The following NFATC2 variants were observed in gnomAD, a reference collection of about 807,000 sequenced individuals.
NFATC2 encodes the protein nuclear factor of activated T cells 2.
A neutral mutation model predicts 87.3 loss-of-function variants in NFATC2; 22 were observed. The observed-to-expected ratio is 0.25, with a 90% CI of 0.18 to 0.36. NFATC2 has a LOEUF of 0.36. Among genes scored for constraint, NFATC2 ranks in the 10% least tolerant of loss-of-function variants. The pLI, the probability that NFATC2 is intolerant of heterozygous loss-of-function variation, is 1.00. For synonymous variants in NFATC2, 565 were observed against 542.2 expected, an observed-to-expected ratio of 1.04 and a Z score of -0.58; for missense variants, 1,149 against 1,259.1, an observed-to-expected ratio of 0.91 and a Z score of 1.32.
chr20:51,416,593 A>G (rs981511006), intron 9 of NFATC2, among the ~76,000 whole-genome samples: 1 of 152,236 alleles, frequency 6.6e-6, no homozygotes, highest in Non-Finnish European at 1.5e-5. Context: ...TCCCAAGTGC[A>G]GAGATGAAGA....
chr20:51,502,391 T>C (rs959534865), intron 3 of NFATC2, among the ~76,000 whole-genome samples: 5 of 152,212 alleles, frequency 3.3e-5, no homozygotes, highest in African/African-American at 9.7e-5. Flanking sequence ...GGTAGCATGA[T>C]CACAGCTCAC....
chr20:51,558,486 G>T (rs552346234), intron 1 of NFATC2, among the ~76,000 whole-genome samples: 5 of 151,456 alleles, frequency 3.3e-5, no homozygotes, highest in African/African-American at 9.7e-5. Context: ...GGTTTTTTTG[G>T]GGGGGGGCGA....
At chr20:51,461,396 G>A (rs1159701005) in intron 5 of NFATC2, among the ~76,000 whole-genome samples, 3 of 152,224 alleles carry the variant, frequency 2.0e-5, no homozygotes, top group Non-Finnish European at 2.9e-5. Context: ...GCTCAGGCCT[G>A]CGGGTGAAGT....
At chr20:51,446,647 AC>A (rs1240817794) in intron 6 of NFATC2, among the ~76,000 whole-genome samples, 1 of 152,214 alleles carries the variant, frequency 6.6e-6, no homozygotes, top group Non-Finnish European at 1.5e-5. Context: ...GGATTCTTGG[AC>A]TTAAAAGCCT....
chr20:51,540,658 G>GTTTTTTTTTTT (rs397864888), intron 1 of NFATC2, among the ~76,000 whole-genome samples: 8 of 110,064 alleles, frequency 7.3e-5, no homozygotes, highest in East Asian at 3.5e-4. Flanking sequence ...TTTTTTTTTT[G>GTTTTTTTTTTT]TTTTTTTTTT....
At chr20:51,550,887 C>G (rs2076927359) in intron 1 of NFATC2, among the ~76,000 whole-genome samples, 1 of 152,150 alleles carries the variant, frequency 6.6e-6, no homozygotes, top group East Asian at 1.9e-4. Flanking sequence ...TAAAGAAAGC[C>G]TAAGTCAAAC....
At chr20:51,453,832 T>G (rs1986089038) in intron 6 of NFATC2, among the ~76,000 whole-genome samples, 1 of 152,234 alleles carries the variant, frequency 6.6e-6, no homozygotes, top group African/African-American at 2.4e-5. Context: ...TTTGTAGATT[T>G]CTGGAAGGTA....
chr20:51,510,660 C>T (rs2076258886), intron 3 of NFATC2, among the ~76,000 whole-genome samples: 1 of 152,178 alleles, frequency 6.6e-6, no homozygotes, highest in Non-Finnish European at 1.5e-5. Context: ...CTCACTCTGT[C>T]ACCCAGGCTG....
chr20:51,391,600 T>C (rs1169298612), intron 10 of NFATC2, 149 bp from the exon 11 acceptor site: 4 of 830,876 alleles, frequency 4.8e-6, no homozygotes, highest in Non-Finnish European at 7.6e-6. Context: ...TGGAGTGCAA[T>C]GGCATGATCA....
At chr20:51,429,519 T>C (rs891651187) in intron 9 of NFATC2, among the ~76,000 whole-genome samples, 1 of 152,204 alleles carries the variant, frequency 6.6e-6, no homozygotes, top group Non-Finnish European at 1.5e-5. Context: ...TTATGTTATT[T>C]CTGCCAAGTA....
At chr20:51,499,697 G>A (rs775944599) in intron 3 of NFATC2, among the ~76,000 whole-genome samples, 37 of 150,608 alleles carry the variant, frequency 2.5e-4, no homozygotes, top group Admixed American at 1.3e-3. Context: ...AGCCGAGATC[G>A]CACCACTGCA....
At chr20:51,527,482 T>C (rs1030949401) in intron 1 of NFATC2, among the ~76,000 whole-genome samples, 2 of 152,018 alleles carry the variant, frequency 1.3e-5, no homozygotes, top group Non-Finnish European at 2.9e-5. Flanking sequence ...TCCCTCGACC[T>C]CCAGTCTGCC....
At chr20:51,460,639 CTTTTT>C (rs11479407) in intron 5 of NFATC2, among the ~76,000 whole-genome samples, 1 of 145,746 alleles carries the variant, frequency 6.9e-6, no homozygotes, top group Non-Finnish European at 1.5e-5. Flanking sequence ...GTTTCTTCTT[CTTTTT>C]TTTTTTTTAA....
At chr20:51,419,205 A>C (rs1980515320) in intron 9 of NFATC2, among the ~76,000 whole-genome samples, 1 of 152,198 alleles carries the variant, frequency 6.6e-6, no homozygotes, top group African/African-American at 2.4e-5. Flanking sequence ...CATTATGATC[A>C]TATCTATCCT....
At chr20:51,485,770 T>C (rs1376401403) in intron 3 of NFATC2, among the ~76,000 whole-genome samples, 2 of 152,182 alleles carry the variant, frequency 1.3e-5, no homozygotes, top group Admixed American at 1.3e-4. Flanking sequence ...ACTAGGCTGT[T>C]GGCAGGAACA....
chr20:51,490,454 C>T (rs2075863648), intron 3 of NFATC2, among the ~76,000 whole-genome samples: 1 of 152,186 alleles, frequency 6.6e-6, no homozygotes, highest in African/African-American at 2.4e-5. Flanking sequence ...ACCACTGTTC[C>T]CCAACCTCAG....
chr20:51,398,595 G>T (rs895836311), intron 10 of NFATC2, 48 bp downstream of exon 10: 9 of 1,389,600 alleles, frequency 6.5e-6, no homozygotes, highest in Admixed American at 2.3e-5. Context: ...TCAAGTTAAG[G>T]AAACACACAG....
chr20:51,409,285 C>T (rs1481446433), intron 9 of NFATC2, among the ~76,000 whole-genome samples: 2 of 152,174 alleles, frequency 1.3e-5, no homozygotes, highest in African/African-American at 4.8e-5. Context: ...AGCGAAAGAA[C>T]ATTCCAGACA....
At chr20:51,477,535 C>CTATATATATATATATA (rs11467129) in intron 3 of NFATC2, among the ~76,000 whole-genome samples, 7 of 72,724 alleles carry the variant, frequency 9.6e-5, no homozygotes, top group East Asian at 9.3e-4. Flanking sequence ...GTGTGTGTGT[C>CTATATATATATATATA]TATATATATA....
Sources: gnomAD v4.1 joint callset for allele counts (sites outside exome capture counted in the v4.1 genomes callset) on GRCh38, gnomAD v4.1.1 for gene constraint, MANE v1.5 for transcripts, NCBI Gene and HGNC (gene_info 2026-07-23, HGNC 2026-07-21) for gene names.